PDE10A: variants seen among roughly 807,000 people sequenced by gnomAD.
PDE10A encodes phosphodiesterase 10A, also known as cAMP and cAMP-inhibited cGMP 3',5'-cyclic phosphodiesterase 10A.
In PDE10A, 39 loss-of-function variants were observed where a neutral mutation model predicts 97.7. That is an observed-to-expected ratio of 0.40 (90% CI 0.31 to 0.52). The LOEUF (loss-of-function observed/expected upper bound fraction) is 0.52. PDE10A is among the 20% of genes least tolerant of loss of function. The pLI is 0.56. For synonymous variants in PDE10A, 371 were observed against 376.8 expected, an observed-to-expected ratio of 0.98 and a Z score of 0.18; for missense variants, 731 against 1,047.8, an observed-to-expected ratio of 0.70 and a Z score of 4.17.
At chr6:165,694,185 T>G (rs1054079481) in intron 1 of PDE10A, among the ~76,000 whole-genome samples, 1 of 152,208 alleles carries the variant, frequency 6.6e-6, no homozygotes, top group African/African-American at 2.4e-5. Context: ...CATCATAAGT[T>G]AATTAGATGC....
chr6:165,892,844 G>A (rs1264943917), intron 1 of PDE10A, among the ~76,000 whole-genome samples: 2 of 152,200 alleles, frequency 1.3e-5, no homozygotes, highest in Non-Finnish European at 2.9e-5. Context: ...TCCAAGGGAA[G>A]GCTGACCATG....
intron 17 of PDE10A, among the ~76,000 whole-genome samples, chr6:165,385,616 T>A (rs117696853): frequency 2.6e-5 from 4 of 152,220 alleles, no homozygotes; most frequent in Non-Finnish European, 4.4e-5. Flanking sequence ...TCAGTAAGTA[T>A]GTTTGTTATT....
chr6:165,764,810 T>C lies in PDE10A; in HGVS notation c.-614-221242A>G, dbSNP rs148708597. ...GTGAAAGAACAAACCTTCCACAGAGTGTCGAAGGGGACCCGAGCGGGTTGC... is the reference window on the plus strand; with the variant it reads ...GTGAAAGAACAAACCTTCCACAGAGCGTCGAAGGGGACCCGAGCGGGTTGC... On this transcript the variant is annotated intron_variant, in intron 1 of 19. Coordinates refer to the PDE10A transcript ENST00000366882. Among the ~76,000 whole-genome samples the C allele has an allele frequency of 5.4e-3, 824 of 152,002 alleles. 10 individuals carry two copies. The highest frequency in any genetic ancestry group is 0.019 in the African/African-American group (770 of 41,460).
At chr6:165,764,275 A>C (rs539967049) in intron 1 of PDE10A, among the ~76,000 whole-genome samples, 1 of 152,358 alleles carries the variant, frequency 6.6e-6, no homozygotes, top group South Asian at 2.1e-4. Context: ...GGATAATATT[A>C]GTGCTTTCCT....
intron 13 of PDE10A, among the ~76,000 whole-genome samples, chr6:165,397,419 A>G (rs1786252486): frequency 6.6e-6 from 1 of 152,218 alleles, no homozygotes; most frequent in South Asian, 2.1e-4. Context: ...ACATAAAAAT[A>G]TAAATGAAGG....
In PDE10A at chr6:165,418,576, G is replaced by T; in HGVS notation, c.1796+59C>A. 1 of 1,515,122 alleles carries T rather than the reference G, an allele frequency of 6.6e-7. No homozygotes were observed. The highest frequency in any genetic ancestry group is 9.0e-7 in the Non-Finnish European group (1 of 1,106,408). 93.9% of individuals were successfully genotyped at this position (1,515,122 alleles called of 1,614,324 possible). A position where few individuals can be genotyped will look rare whatever the true frequency, so the allele number is the denominator to read the frequency against. ...CCTGTGAATAGGCACAGAAAAATGG[G>T]TAACGGAACGCCTGCACATCTACCG... On this transcript the variant is annotated intron_variant, in intron 11 of 21. Coordinates refer to ENST00000539869, the MANE Select transcript of PDE10A (RefSeq NM_001385079.1). This position sits in a 1 kb window ranked among gnomAD's most constrained non-coding sequence, Gnocchi z 4.8.
intron 1 of PDE10A, among the ~76,000 whole-genome samples, chr6:165,851,456 A>G (rs948859303): frequency 6.6e-6 from 1 of 152,356 alleles, no homozygotes; most frequent in East Asian, 1.9e-4. Context: ...AACTGAGCAC[A>G]TATTACGTGC....
intron 1 of PDE10A, among the ~76,000 whole-genome samples, chr6:165,770,348 A>C (rs1365411955): frequency 1.3e-5 from 2 of 152,194 alleles, no homozygotes; most frequent in Admixed American, 6.5e-5. Context: ...AGAAAGAAGG[A>C]AAGAGAAATC....
At chr6:165,436,252 T>C (rs1417850399) in intron 5 of PDE10A, among the ~76,000 whole-genome samples, 1 of 152,186 alleles carries the variant, frequency 6.6e-6, no homozygotes, top group Non-Finnish European at 1.5e-5. Context: ...AAGCAATAAG[T>C]ATTAGACAGC....
rs921428057 is a variant in PDE10A at position 165,593,352 on chromosome 6, C to G, written c.866-49784G>C. 4.6e-5 allele frequency among the ~76,000 whole-genome samples: 7 copies of G among 151,920 alleles called. No individual in the cohort carries two copies. In the East Asian group the frequency reaches 1.2e-3, roughly 25 times the overall value. ...AGGAGAAATACCTAATGTAGATGAC[C>G]GGTTGATGGGTGCTGCAAACCACCA... On this transcript the variant is annotated intron_variant, in intron 1 of 21. Transcript: ENST00000539869.
At chr6:165,336,457 T>C (rs1337794432) in intron 20 of PDE10A, among the ~76,000 whole-genome samples, 1 of 152,178 alleles carries the variant, frequency 6.6e-6, no homozygotes, top group Non-Finnish European at 1.5e-5. Flanking sequence ...GGTTAATACC[T>C]ACTGAAATCT....
chr6:165,899,391 G>A (rs955822499), intron 1 of PDE10A, among the ~76,000 whole-genome samples: 5 of 152,130 alleles, frequency 3.3e-5, no homozygotes, highest in Non-Finnish European at 7.3e-5. Flanking sequence ...CTAATATTCA[G>A]CCATCGTTTT....
intron 1 of PDE10A, among the ~76,000 whole-genome samples, chr6:165,759,180 A>C (rs1364310191): frequency 1.3e-5 from 2 of 152,206 alleles, no homozygotes; most frequent in Non-Finnish European, 2.9e-5. Context: ...AGAGGTCCAA[A>C]ACTACATTTT....
chr6:165,962,143 C>A (rs985145148), intron 1 of PDE10A, among the ~76,000 whole-genome samples: 2 of 152,228 alleles, frequency 1.3e-5, no homozygotes, highest in Non-Finnish European at 2.9e-5. Flanking sequence ...TATTTGCCCC[C>A]ACGGGCAACA....
chr6:165,685,314 C>T (rs181016884), intron 1 of PDE10A, among the ~76,000 whole-genome samples: 13 of 152,064 alleles, frequency 8.5e-5, no homozygotes, highest in African/African-American at 2.9e-4. Context: ...CAGCATAAAA[C>T]AGATCAAAAT....
At chr6:165,613,469 A>G (rs3008012) in intron 1 of PDE10A, among the ~76,000 whole-genome samples, 26,270 of 151,794 alleles carry the variant, frequency 0.17, 3,177 homozygotes, top group African/African-American at 0.35. Flanking sequence ...GCAAAACTCC[A>G]TCTCTACAAA....
chr6:165,462,936 T>A lies in PDE10A; in HGVS notation c.1024-12574A>T, dbSNP rs148819773. Among the ~76,000 whole-genome samples the A allele has an allele frequency of 1.5e-3, 222 of 152,350 alleles. 1 individual carries two copies. The highest frequency in any genetic ancestry group is 5.1e-3 in the African/African-American group (211 of 41,580). On this transcript the variant is annotated intron_variant, in intron 3 of 21. Coordinates refer to ENST00000539869, the MANE Select transcript of PDE10A (RefSeq NM_001385079.1). ...ATTTACCATAATAAATCTGCTACTA[T>A]AATTGAGGCATACCACCCTCAAAAA...
intron 2 of PDE10A, among the ~76,000 whole-genome samples, chr6:165,535,549 T>C (rs1475311418): frequency 2.0e-5 from 3 of 151,858 alleles, no homozygotes; most frequent in African/African-American, 7.2e-5. Flanking sequence ...GCAAAAGACA[T>C]GATTTCATTA....
chr6:165,396,245 TA>T (rs1300535117), intron 14 of PDE10A, 71 bp downstream of exon 14: 4 of 1,403,264 alleles, frequency 2.9e-6, no homozygotes, highest in Non-Finnish European at 4.0e-6. Context: ...TCTAATTCTA[TA>T]ATCTGTCTCA....
Sources: gnomAD v4.1 joint callset for allele counts (sites outside exome capture counted in the v4.1 genomes callset) on GRCh38, gnomAD v4.1.1 for gene constraint, Gnocchi (gnomAD v3.1) non-coding constraint, MANE v1.5 for transcripts, NCBI Gene and HGNC (gene_info 2026-07-23, HGNC 2026-07-21) for gene names.